Variants in PTPRT observed in about 807,000 individuals in gnomAD.
PTPRT encodes the protein receptor-type tyrosine-protein phosphatase T.
PTPRT carries 56 observed loss-of-function variants against 176.8 expected under a neutral mutation model. The ratio of observed to expected loss-of-function variants is 0.32; its 90% CI spans 0.26 to 0.40. PTPRT has a LOEUF of 0.40. Among genes scored for constraint, PTPRT ranks in the 10% least tolerant of loss-of-function variants. PTPRT has a pLI of 1.00. For missense variants in PTPRT, 1,540 were observed against 1,908.2 expected (o/e 0.81, Z 3.60); for synonymous variants, 783 against 739.0 (o/e 1.06, Z -0.96).
At chr20:42,956,765 G>C (rs978676624) in intron 1 of PTPRT, among the ~76,000 whole-genome samples, 2 of 152,148 alleles carry the variant, frequency 1.3e-5, no homozygotes, top group African/African-American at 4.8e-5. Context: ...GTTGTTAAGA[G>C]TACAGGTGAC....
rs375884283 is a variant in PTPRT, at chr20:42,154,758, A to G, written c.2682+6594T>C. 1.3e-4 allele frequency among the ~76,000 whole-genome samples: 20 copies of G among 152,230 alleles called. No individual in the cohort carries two copies. The East Asian group carries it at 3.5e-3, about 27-fold the overall frequency. On this transcript the variant is annotated intron_variant, in intron 17 of 30. Transcript: ENST00000373187. ...TTCTGACTACCATGGCAGCAGTTAC[A>G]TGGGACACAGATAACTCGGCTCTCC...
At chr20:42,998,814 T>A (rs1183551042) in intron 1 of PTPRT, among the ~76,000 whole-genome samples, 1 of 152,184 alleles carries the variant, frequency 6.6e-6, no homozygotes, top group Non-Finnish European at 1.5e-5. Flanking sequence ...ACCGAGTGAC[T>A]TGCCCACTGT....
chr20:42,220,796 A>G (rs2055868405), intron 15 of PTPRT, among the ~76,000 whole-genome samples: 1 of 152,210 alleles, frequency 6.6e-6, no homozygotes, highest in African/African-American at 2.4e-5. Flanking sequence ...AATTTACTCA[A>G]TGAAGTTTAA....
chr20:42,111,813 C>A (rs1987012355), intron 22 of PTPRT, among the ~76,000 whole-genome samples: 1 of 152,170 alleles, frequency 6.6e-6, no homozygotes, highest in Non-Finnish European at 1.5e-5. Context: ...ACAGTCTGCA[C>A]TCTTAATCAT....
intron 7 of PTPRT, among the ~76,000 whole-genome samples, chr20:42,663,098 A>G (rs1056503601): frequency 6.6e-6 from 1 of 152,102 alleles, no homozygotes; most frequent in African/African-American, 2.4e-5. Context: ...GTTAAAATAC[A>G]TATTTTAAGA....
At chr20:42,448,104 GTA>G in intron 9 of PTPRT, 114 bp downstream of exon 9, 1 of 804,468 alleles carries the variant, frequency 1.2e-6, no homozygotes, top group Admixed American at 1.9e-5. Context: ...AAACCTTTTG[GTA>G]TGTCTCATCT....
Position 42,771,502 on chromosome 20 carries a change from C to A in PTPRT, c.617G>T (p.Gly206Val). 6.2e-7 allele frequency: 1 copy of A among 1,614,114 alleles called. No homozygotes were observed. The highest frequency in any genetic ancestry group is 2.2e-5 in the East Asian group (1 of 44,870). Residue 206 changes from glycine to valine, a missense_variant, in exon 5 of 31, where the codon GGG becomes GTG. By Grantham distance (109) the Gly-to-Val change is moderately radical. Around this residue, in one of 11 missense-constraint regions of PTPRT, gnomAD observed 273 missense variants for 432.1 expected, o/e 0.63. Coordinates refer to ENST00000373187, the MANE Select transcript of PTPRT (RefSeq NM_007050.6). ...AATGCACTGAAATGTGGCATTCTGC[C>A]CCACATTCACCTCCACGTTTTGGAG... ...LRLQNVEVNV[G>V]QNATFQCIAG...
At chr20:42,317,779 T>G (rs1172370139) in intron 11 of PTPRT, among the ~76,000 whole-genome samples, 1 of 152,180 alleles carries the variant, frequency 6.6e-6, no homozygotes, top group African/African-American at 2.4e-5. Flanking sequence ...GCATAGGAAT[T>G]TTCAGGCATG....
At chr20:42,569,306 C>T (rs770590907) in intron 7 of PTPRT, among the ~76,000 whole-genome samples, 1 of 151,506 alleles carries the variant, frequency 6.6e-6, no homozygotes, top group Non-Finnish European at 1.5e-5. Context: ...GTCTCCTTTC[C>T]CAATAGACTG....
chr20:42,608,050 C>A (rs1260781249), intron 7 of PTPRT, among the ~76,000 whole-genome samples: 1 of 152,142 alleles, frequency 6.6e-6, no homozygotes, highest in African/African-American at 2.4e-5. Flanking sequence ...ACTCATTTTA[C>A]AGATGATGAA....
intron 1 of PTPRT, among the ~76,000 whole-genome samples, chr20:43,076,670 C>A (rs2011289292): frequency 6.6e-6 from 1 of 152,140 alleles, no homozygotes; most frequent in Non-Finnish European, 1.5e-5. Flanking sequence ...CCACCCATTA[C>A]CCCCACCTCT....
intron 27 of PTPRT, among the ~76,000 whole-genome samples, chr20:42,095,428 G>A (rs977611577): frequency 6.6e-6 from 1 of 152,108 alleles, no homozygotes; most frequent in Admixed American, 6.6e-5. Context: ...AGGGCACCAG[G>A]TGCATGCCTA....
intron 1 of PTPRT, among the ~76,000 whole-genome samples, chr20:43,080,795 C>T (rs1490011525): frequency 6.6e-6 from 1 of 152,214 alleles, no homozygotes; most frequent in Admixed American, 6.5e-5. Flanking sequence ...TATTTTTCTG[C>T]TGGCTGGAAA....
At chr20:42,051,571 C>T in the PTPRT span, among the ~76,000 whole-genome samples, 7 of 152,060 alleles carry the variant, frequency 4.6e-5, no homozygotes, top group Non-Finnish European at 7.4e-5. Context: ...GAGGGATGAA[C>T]GACAGGCTGA....
chr20:42,070,382 T>G (rs1982272865), downstream of PTPRT, among the ~76,000 whole-genome samples: 1 of 151,496 alleles, frequency 6.6e-6, no homozygotes, highest in African/African-American at 2.4e-5. Context: ...CAGGCTAGGA[T>G]CCACCTGGAC....
intron 7 of PTPRT, among the ~76,000 whole-genome samples, chr20:42,543,049 ATGT>A (rs1398695454): frequency 6.6e-6 from 1 of 152,184 alleles, no homozygotes; most frequent in Non-Finnish European, 1.5e-5. Flanking sequence ...TCTTGTCTCG[ATGT>A]TGATGGCTGC....
Position 42,085,712 on chromosome 20 carries a change from G to A in PTPRT, c.3972+16C>T. 6.2e-7 allele frequency: 1 copy of A among 1,613,168 alleles called. No individual in the cohort carries two copies. Among genetic ancestry groups the A allele is most frequent in the Non-Finnish European group, 8.5e-7 (1 of 1,179,980 alleles). ...GGGAGGAGGGGCTCAGCAAGCAATG[G>A]CGGCCGTGTACTTACCCGGGCCATG... On this transcript the variant is annotated intron_variant, in intron 28 of 30. Transcript: ENST00000373187.
At chr20:42,730,498 T>C (rs2076444157) in intron 6 of PTPRT, among the ~76,000 whole-genome samples, 1 of 152,058 alleles carries the variant, frequency 6.6e-6, no homozygotes. Context: ...CCATAACAGA[T>C]AGAGGATAGA....
At chr20:42,322,558 T>A (rs895011370) in intron 11 of PTPRT, among the ~76,000 whole-genome samples, 1 of 136,996 alleles carries the variant, frequency 7.3e-6, no homozygotes, top group Admixed American at 7.0e-5. Flanking sequence ...GCTAGCCATA[T>A]GTAGAAAGCT....
Sources: gnomAD v4.1 joint callset for allele counts (sites outside exome capture counted in the v4.1 genomes callset) on GRCh38, gnomAD v4.1.1 for gene constraint, gnomAD v4.1.1 regional missense constraint, MANE v1.5 for transcripts, NCBI Gene and HGNC (gene_info 2026-07-23, HGNC 2026-07-21) for gene names.